Variants in AKAP13 observed in about 807,000 individuals in gnomAD.
AKAP13 encodes the protein A-kinase anchoring protein 13, also known as A-kinase anchor protein 13.
In AKAP13, 80 loss-of-function variants were observed where a neutral mutation model predicts 264.5. The ratio of observed to expected loss-of-function variants is 0.30; its 90% CI spans 0.25 to 0.36. The LOEUF (loss-of-function observed/expected upper bound fraction) is 0.36. Among genes scored for constraint, AKAP13 ranks in the 10% least tolerant of loss-of-function variants. AKAP13 has a pLI of 1.00. For missense variants in AKAP13, 3,712 were observed against 3,435.2 expected (o/e 1.08, Z -2.01); for synonymous variants, 1,380 against 1,250.2 (o/e 1.10, Z -2.19).
In AKAP13 at chr15:85,745,671, C is replaced by T. The variant is rs993921657; in HGVS notation, c.*994C>T. 2.6e-5 allele frequency: 4 copies of T among 152,252 alleles called. No homozygotes were observed. Among genetic ancestry groups the T allele is most frequent in the African/African-American group, 9.7e-5 (4 of 41,450 alleles). 9.4% of individuals were successfully genotyped at this position (152,252 alleles called of 1,614,324 possible). A position where few individuals can be genotyped will look rare whatever the true frequency, so the allele number is the denominator to read the frequency against. On this transcript the variant is annotated 3_prime_UTR_variant, in exon 37 of 37. Transcript: ENST00000394518. ...GCCCTTGCTGGGTGAGGGCACACCACTGCCAGGGGTCAGCCTCGCACCCAG... is the reference window on the plus strand; with the variant it reads ...GCCCTTGCTGGGTGAGGGCACACCATTGCCAGGGGTCAGCCTCGCACCCAG...
At chr15:85,710,478 C>G (rs1597139080) in intron 18 of AKAP13, 101 bp from the exon 19 acceptor site, 1 of 1,157,802 alleles carries the variant, frequency 8.6e-7, no homozygotes, top group East Asian at 2.4e-5. Flanking sequence ...GTGCAAAAAG[C>G]AGAGTGGGAA....
chr15:85,626,916 CTA>C (rs1454349512), intron 8 of AKAP13, among the ~76,000 whole-genome samples: 3 of 152,052 alleles, frequency 2.0e-5, no homozygotes, highest in Non-Finnish European at 4.4e-5. Context: ...CACTTATTTT[CTA>C]TCTTTTTTTG....
rs551035970 is a variant in AKAP13 at position 85,732,547 on chromosome 15, C to T, written c.7282+1840C>T. 7.3e-5 allele frequency among the ~76,000 whole-genome samples: 11 copies of T among 150,152 alleles called. No homozygotes were observed. In the South Asian group the frequency reaches 8.4e-4, roughly 11 times the overall value. ...ATATGAAAATTTATATTTACACTTT[C>T]GAATTCACATTGATATTCTTAAACT... On this transcript the variant is annotated intron_variant, in intron 30 of 36. Coordinates refer to ENST00000394518, the MANE Select transcript of AKAP13 (RefSeq NM_007200.5).
intron 2 of AKAP13, among the ~76,000 whole-genome samples, chr15:85,519,771 C>A (rs533005965): frequency 7.2e-5 from 11 of 152,278 alleles, no homozygotes; most frequent in Admixed American, 3.9e-4. Flanking sequence ...TGTTAATAGA[C>A]CTGGTTCCTA....
chr15:85,668,634 T>C (rs1192426730), intron 13 of AKAP13, among the ~76,000 whole-genome samples: 1 of 152,234 alleles, frequency 6.6e-6, no homozygotes, highest in Non-Finnish European at 1.5e-5. Context: ...TACTTGAATC[T>C]CAATTTCCAA....
At chr15:85,599,944 A>G (rs145879012) in intron 8 of AKAP13, among the ~76,000 whole-genome samples, 48 of 152,306 alleles carry the variant, frequency 3.2e-4, no homozygotes, top group African/African-American at 1.1e-3. Flanking sequence ...GAGTCACCCT[A>G]TTGGTTAGAT....
intron 8 of AKAP13, chr15:85,635,037 A>G: frequency 2.5e-6 from 1 of 398,156 alleles, no homozygotes; most frequent in Non-Finnish European, 4.4e-6. Context: ...TAAAAATTCC[A>G]GTGCAAGTCT....
intron 5 of AKAP13, chr15:85,555,550 T>C: frequency 4.4e-6 from 5 of 1,134,476 alleles, no homozygotes; most frequent in Non-Finnish European, 4.7e-6. Flanking sequence ...TCTCTGACAT[T>C]TTCTCTGGCT....
At chr15:85,698,474 A>AG (rs2085696143) in intron 17 of AKAP13, among the ~76,000 whole-genome samples, 2 of 151,018 alleles carry the variant, frequency 1.3e-5, no homozygotes, top group South Asian at 4.2e-4. Flanking sequence ...CCAAAAAAAA[A>AG]AAAAAAAAGG....
intron 3 of AKAP13, among the ~76,000 whole-genome samples, chr15:85,528,896 G>A (rs1461892344): frequency 3.9e-5 from 6 of 151,958 alleles, no homozygotes; most frequent in Admixed American, 6.6e-5. Flanking sequence ...CATAAGTTCA[G>A]TAAAATTTTC....
At chr15:85,626,307 G>T (rs572796842) in intron 8 of AKAP13, among the ~76,000 whole-genome samples, 2 of 152,330 alleles carry the variant, frequency 1.3e-5, no homozygotes, top group Admixed American at 1.3e-4. Context: ...GTGGCATTAA[G>T]TACATTCACA....
intron 8 of AKAP13, among the ~76,000 whole-genome samples, chr15:85,637,827 A>G (rs1032603830): frequency 6.7e-6 from 1 of 149,382 alleles, no homozygotes; most frequent in African/African-American, 2.5e-5. Context: ...TTTTTATTCA[A>G]TTTAAAATAT....
At chr15:85,538,833 T>G (rs894622143) in intron 4 of AKAP13, among the ~76,000 whole-genome samples, 12 of 147,062 alleles carry the variant, frequency 8.2e-5, no homozygotes, top group African/African-American at 3.0e-4. Flanking sequence ...CATTAGTGTT[T>G]GTGTATTTTT....
At chr15:85,433,038 AAT>A (rs1470153518) in intron 1 of AKAP13, among the ~76,000 whole-genome samples, 2 of 151,614 alleles carry the variant, frequency 1.3e-5, no homozygotes, top group Non-Finnish European at 2.9e-5. Context: ...TGGTTTTAAA[AAT>A]AGTTTTTAAA....
At chr15:85,486,450 A>G (rs988631350) in intron 2 of AKAP13, among the ~76,000 whole-genome samples, 6 of 152,130 alleles carry the variant, frequency 3.9e-5, no homozygotes, top group Admixed American at 1.3e-4. Context: ...GAAGAGTCCA[A>G]CTTTTTTCTT....
rs1461647894 is a variant in AKAP13, at chr15:85,581,707, G to A, written c.3639G>A (p.Arg1213=). The stretch of plus-strand genomic sequence containing the variant: ...ATGATGGGGCCCCAGCTGGTGTGAG[G>A]GAAGTCATGCGAGCCCCGCCTTCAG... ...AHDDGAPAGV[R]EVMRAPPSGR... The change falls in exon 7 of 37, where the codon AGG becomes AGA. Residue 1213 remains arginine (R), a synonymous_variant. Transcript: ENST00000394518. 1.2e-6 allele frequency: 2 copies of A among 1,614,136 alleles called. No homozygotes were observed. The highest frequency in any genetic ancestry group is 1.1e-5 in the South Asian group (1 of 91,086).
At chr15:85,666,096 G>A (rs1434004854) in intron 13 of AKAP13, among the ~76,000 whole-genome samples, 2 of 152,246 alleles carry the variant, frequency 1.3e-5, no homozygotes, top group Admixed American at 6.5e-5. Flanking sequence ...TTGAGGAATC[G>A]CCACACTGTC....
chr15:85,724,969 G>A lies in AKAP13; in HGVS notation c.6746-1441G>A, dbSNP rs1256887400. 6.6e-6 allele frequency among the ~76,000 whole-genome samples: 1 copy of A among 152,148 alleles called. No homozygotes were observed. The highest frequency in any genetic ancestry group is 1.5e-5 in the Non-Finnish European group (1 of 68,020). Reference sequence around the variant, plus strand: ...CTTAATATTCCATGATGTTCTGAGAGCCCTAGCTCTCTTTGAGACTTTTAC... The same window carrying A: ...CTTAATATTCCATGATGTTCTGAGAACCCTAGCTCTCTTTGAGACTTTTAC... On this transcript the variant is annotated intron_variant, in intron 26 of 36. Coordinates refer to ENST00000394518, the MANE Select transcript of AKAP13 (RefSeq NM_007200.5). The surrounding 1 kb of genome is among the most constrained non-coding windows in gnomAD (Gnocchi z 4.2).
chr15:85,693,532 C>G (rs1253833005), intron 17 of AKAP13, 81 bp downstream of exon 17: 1 of 1,567,876 alleles, frequency 6.4e-7, no homozygotes, highest in African/African-American at 1.4e-5. Flanking sequence ...TGTCCCCACT[C>G]ATTATCTGTT....
Sources: gnomAD v4.1 joint callset for allele counts (sites outside exome capture counted in the v4.1 genomes callset) on GRCh38, gnomAD v4.1.1 for gene constraint, Gnocchi (gnomAD v3.1) non-coding constraint, MANE v1.5 for transcripts, NCBI Gene and HGNC (gene_info 2026-07-23, HGNC 2026-07-21) for gene names.